LZTFL1: variants seen among roughly 807,000 people sequenced by gnomAD.
LZTFL1 encodes leucine zipper transcription factor like 1, also known as leucine zipper transcription factor-like protein 1.
A neutral mutation model predicts 45.9 loss-of-function variants in LZTFL1; 25 were observed. The observed-to-expected ratio is 0.54, with a 90% CI of 0.40 to 0.76. The LOEUF (loss-of-function observed/expected upper bound fraction) is 0.76. Among genes scored for constraint, LZTFL1 ranks in the 30% least tolerant of loss-of-function variants. LZTFL1 has a pLI of 0.00. For synonymous variants in LZTFL1, 93 were observed against 117.4 expected (o/e 0.79, Z 1.35); for missense variants, 277 against 331.1 (o/e 0.84, Z 1.27).
chr3:45,913,132 GT>G, exon 2 of LZTFL1: 1 of 1,535,974 alleles, frequency 6.5e-7, no homozygotes, highest in Non-Finnish European at 8.7e-7. Flanking sequence ...TCTTCCCTGG[GT>G]CTTGGTTCCT....
intron 2 of LZTFL1, among the ~76,000 whole-genome samples, chr3:45,909,378 C>T (rs960264908): frequency 1.3e-5 from 2 of 152,212 alleles, no homozygotes; most frequent in Admixed American, 6.5e-5. Context: ...GCACATACCC[C>T]TCACCCAACT....
chr3:45,880,363 G>T (rs540423868), intron 2 of LZTFL1, among the ~76,000 whole-genome samples: 2 of 152,016 alleles, frequency 1.3e-5, no homozygotes, highest in African/African-American at 4.8e-5. Flanking sequence ...TTAGCTGGGC[G>T]TGGTGATGGG....
intron 2 of LZTFL1, among the ~76,000 whole-genome samples, chr3:45,863,034 C>T (rs1438573126): frequency 6.6e-6 from 1 of 152,116 alleles, no homozygotes; most frequent in Non-Finnish European, 1.5e-5. Flanking sequence ...TATTATGAGA[C>T]CCAAGAATAA....
rs199687453 is a variant in LZTFL1 at position 45,901,772 on chromosome 3, C to T, written c.-215+11348G>A. The T allele has an allele frequency of 1.1e-5, 18 of 1,614,020 alleles. No homozygotes were observed. In the East Asian group the frequency reaches 1.3e-4, roughly 12 times the overall value. On this transcript the variant is annotated intron_variant, in intron 2 of 4. Transcript: ENST00000472635. This position sits in a 1 kb window ranked among gnomAD's most constrained non-coding sequence, Gnocchi z 4.3. ...TGGGTGAGAGATTCCGCCGGGATCT[C>T]GTGAAAACCCTGAAGAACTTGGGTT...
intron 2 of LZTFL1, among the ~76,000 whole-genome samples, chr3:45,899,222 A>G (rs1055501487): frequency 6.6e-6 from 1 of 152,252 alleles, no homozygotes; most frequent in South Asian, 2.1e-4. Context: ...AGATCCTTCA[A>G]TGTGCTCAGG....
At chr3:45,880,663 G>T (rs1202753659) in intron 2 of LZTFL1, among the ~76,000 whole-genome samples, 3 of 152,180 alleles carry the variant, frequency 2.0e-5, no homozygotes, top group African/African-American at 7.2e-5. Flanking sequence ...CTGTCCTCCT[G>T]CCTGTTGGTC....
At chr3:45,845,393 AGAG>A (rs1484776044), upstream of LZTFL1, among the ~76,000 whole-genome samples, 1 of 152,168 alleles carries the variant, frequency 6.6e-6, no homozygotes, top group Non-Finnish European at 1.5e-5. Flanking sequence ...TTGAGGCTGG[AGAG>A]GAGAGATTCA....
chr3:45,898,509 C>T (rs1021300993), intron 2 of LZTFL1, among the ~76,000 whole-genome samples: 5 of 152,228 alleles, frequency 3.3e-5, no homozygotes, highest in Non-Finnish European at 7.3e-5. Context: ...TGGGCCATTT[C>T]CAGCTGCCCT....
chr3:45,850,741 T>G (rs1171278872), intron 4 of LZTFL1, among the ~76,000 whole-genome samples: 7 of 152,154 alleles, frequency 4.6e-5, no homozygotes, highest in Non-Finnish European at 1.0e-4. Context: ...CCAACACCTG[T>G]ACCTATGGGT....
At chr3:45,879,038 C>G (rs182672186) in intron 2 of LZTFL1, among the ~76,000 whole-genome samples, 1 of 152,342 alleles carries the variant, frequency 6.6e-6, no homozygotes, top group African/African-American at 2.4e-5. Context: ...TATGGAGCAT[C>G]AGGAACTCTT....
chr3:45,882,720 G>A (rs1410617633), intron 2 of LZTFL1, among the ~76,000 whole-genome samples: 3 of 151,952 alleles, frequency 2.0e-5, no homozygotes, highest in East Asian at 1.9e-4. Context: ...GTGGATTGCT[G>A]TTTCTAGTCC....
chr3:45,866,131 G>C (rs1701574484), intron 2 of LZTFL1, among the ~76,000 whole-genome samples: 1 of 152,150 alleles, frequency 6.6e-6, no homozygotes, highest in South Asian at 2.1e-4. Flanking sequence ...GTGGCGAGGG[G>C]TGGTGGCGTG....
chr3:45,905,478 A>G (rs1000723439), intron 2 of LZTFL1, among the ~76,000 whole-genome samples: 2 of 152,278 alleles, frequency 1.3e-5, no homozygotes, highest in African/African-American at 4.8e-5. Flanking sequence ...CCACATATTT[A>G]CTTGTATACG....
At chr3:45,877,841 G>T (rs1023726607) in intron 2 of LZTFL1, among the ~76,000 whole-genome samples, 1 of 151,440 alleles carries the variant, frequency 6.6e-6, no homozygotes, top group Non-Finnish European at 1.5e-5. Flanking sequence ...TGCCTCCCAG[G>T]TTCAAGCAAT....
intron 2 of LZTFL1, among the ~76,000 whole-genome samples, chr3:45,872,286 G>A (rs1303361268): frequency 6.6e-6 from 1 of 152,198 alleles, no homozygotes; most frequent in Non-Finnish European, 1.5e-5. Flanking sequence ...CCAAAGCGGG[G>A]CTGTGGTGTC....
At position 45,826,070 on chromosome 3, in the gene LZTFL1, C is replaced by T. The variant is rs1700654895; in HGVS notation, c.*244G>A. The T allele has an allele frequency of 2.4e-6, 1 of 414,542 alleles. No homozygotes were observed. The highest frequency in any genetic ancestry group is 4.3e-6 in the Non-Finnish European group (1 of 233,384). 25.7% of individuals were successfully genotyped at this position (414,542 alleles called of 1,614,324 possible). ...TCTCTTCTTTGCTGTAAAGAATTCT[C>T]AGTGCATGTGAGCTAAGACTCTGGA... is the stretch of plus-strand genomic sequence containing the variant. On this transcript the variant is annotated 3_prime_UTR_variant, in exon 10 of 10. Transcript: ENST00000296135.
At chr3:45,898,731 C>G (rs529899073) in intron 2 of LZTFL1, among the ~76,000 whole-genome samples, 1 of 152,202 alleles carries the variant, frequency 6.6e-6, no homozygotes, top group Non-Finnish European at 1.5e-5. Context: ...ATTCAGTGAG[C>G]CCTGATATCT....
chr3:45,909,824 G>C (rs1463785401), intron 2 of LZTFL1, among the ~76,000 whole-genome samples: 1 of 152,228 alleles, frequency 6.6e-6, no homozygotes, highest in Non-Finnish European at 1.5e-5. Flanking sequence ...GCCGCAGTGA[G>C]CTCCAGGGTT....
intron 2 of LZTFL1, chr3:45,897,572 C>T (rs1301772633): frequency 1.3e-6 from 2 of 1,535,454 alleles, no homozygotes; most frequent in South Asian, 2.4e-5. Context: ...CTCCTCCAGG[C>T]CCCGCTCCAG....
Sources: gnomAD v4.1 joint callset for allele counts (sites outside exome capture counted in the v4.1 genomes callset) on GRCh38, gnomAD v4.1.1 for gene constraint, Gnocchi (gnomAD v3.1) non-coding constraint, MANE v1.5 for transcripts, NCBI Gene and HGNC (gene_info 2026-07-23, HGNC 2026-07-21) for gene names.